Variants in ECT2 observed in about 807,000 individuals in gnomAD.
ECT2 encodes protein ECT2.
In ECT2, 61 loss-of-function variants were observed where a neutral mutation model predicts 116.9. That is an observed-to-expected ratio of 0.52 (90% confidence interval 0.42 to 0.65). ECT2 has a LOEUF of 0.65. Among genes scored for constraint, ECT2 ranks in the 30% least tolerant of loss-of-function variants. ECT2 has a pLI of 0.00. For missense variants in ECT2, 937 were observed against 1,078.7 expected (o/e 0.87, Z 1.84); for synonymous variants, 358 against 346.4 (o/e 1.03, Z -0.37).
At chr3:172,813,072 A>G (rs1200121998) in intron 22 of ECT2, among the ~76,000 whole-genome samples, 3 of 152,094 alleles carry the variant, frequency 2.0e-5, no homozygotes, top group South Asian at 4.1e-4. Context: ...GTTGTTTTAC[A>G]AACGATTACC....
At chr3:172,798,559 T>G (rs1291109257) in intron 18 of ECT2, among the ~76,000 whole-genome samples, 1 of 152,174 alleles carries the variant, frequency 6.6e-6, no homozygotes, top group Non-Finnish European at 1.5e-5. Context: ...ATTGAATAAC[T>G]GATGAAGATA....
chr3:172,757,253 A>C, intron 5 of ECT2, 88 bp downstream of exon 5: 10 of 1,052,816 alleles, frequency 9.5e-6, no homozygotes, highest in Non-Finnish European at 1.3e-5. Flanking sequence ...GAAAAATCTC[A>C]TTGATTGCTG....
chr3:172,765,746 T>A (rs1719250407), intron 12 of ECT2, among the ~76,000 whole-genome samples: 2 of 152,310 alleles, frequency 1.3e-5, no homozygotes, highest in African/African-American at 4.8e-5. Flanking sequence ...TACTGTAGCT[T>A]TTAAGTCCCT....
intron 18 of ECT2, among the ~76,000 whole-genome samples, chr3:172,801,072 TATA>T (rs778857979): frequency 6.6e-6 from 1 of 152,352 alleles, no homozygotes; most frequent in South Asian, 2.1e-4. Flanking sequence ...ATGACGTGAA[TATA>T]ATAACTTTAA....
rs566873843 is a variant in ECT2 at position 172,767,147 on chromosome 3, A to T, written c.1292-1860A>T. Among the ~76,000 whole-genome samples, 8 of 152,282 alleles carry T rather than the reference A, an allele frequency of 5.3e-5. No individual in the cohort carries two copies. The East Asian group carries it at 7.7e-4, about 15-fold the overall frequency. ...AATTTTTTGAGATTCTGTTTTTTTTAAAAAGCACTCAGGGGCTGGGCGCGG... is the reference window on the plus strand; with the variant it reads ...AATTTTTTGAGATTCTGTTTTTTTTTAAAAGCACTCAGGGGCTGGGCGCGG... On this transcript the variant is annotated intron_variant, in intron 12 of 24. Coordinates refer to ENST00000392692, the MANE Select transcript of ECT2 (RefSeq NM_001258315.2).
At chr3:172,795,295 C>G (rs150592945) in intron 18 of ECT2, among the ~76,000 whole-genome samples, 70,395 of 145,506 alleles carry the variant, frequency 0.48, 19,201 homozygotes, top group East Asian at 0.68. Context: ...CACTGCACTC[C>G]AGCCTGGGTG....
intron 12 of ECT2, among the ~76,000 whole-genome samples, chr3:172,765,159 G>A (rs1214971423): frequency 6.6e-6 from 1 of 152,082 alleles, no homozygotes; most frequent in Non-Finnish European, 1.5e-5. Context: ...TCCTTTCAAC[G>A]CATTCCAACT....
the ECT2 span, among the ~76,000 whole-genome samples, chr3:172,828,563 T>C: frequency 6.6e-6 from 1 of 151,172 alleles, no homozygotes; most frequent in African/African-American, 2.4e-5. Context: ...CATTGTAAAA[T>C]AGTGGGTGAA....
At chr3:172,779,697 G>T (rs1238540680) in intron 14 of ECT2, among the ~76,000 whole-genome samples, 1 of 152,100 alleles carries the variant, frequency 6.6e-6, no homozygotes. Context: ...CTTGAATCTA[G>T]GAGTTTGAGA....
At chr3:172,768,950 A>T (rs1720070514) in intron 12 of ECT2, 57 bp from the exon 13 acceptor site, 1 of 1,475,316 alleles carries the variant, frequency 6.8e-7, no homozygotes, top group Non-Finnish European at 9.1e-7. Flanking sequence ...AAGTCTACAT[A>T]ATGTTTGGTA....
At chr3:172,778,799 G>A (rs573139814) in intron 14 of ECT2, among the ~76,000 whole-genome samples, 315 of 151,900 alleles carry the variant, frequency 2.1e-3, no homozygotes, top group Non-Finnish European at 3.3e-3. Context: ...GTTTCATCAT[G>A]CTGGCCAGGC....
intron 18 of ECT2, among the ~76,000 whole-genome samples, chr3:172,794,497 T>C (rs1725258292): frequency 6.6e-6 from 1 of 152,236 alleles, no homozygotes; most frequent in Admixed American, 6.5e-5. Context: ...CCTTGATTAC[T>C]GTACTTTAAG....
intron 17 of ECT2, 49 bp downstream of exon 17, chr3:172,784,852 G>A (rs1723333039): frequency 1.8e-6 from 2 of 1,139,596 alleles, no homozygotes; most frequent in African/African-American, 1.6e-5. Context: ...TAATGGAATT[G>A]TTTTTTCCAA....
chr3:172,771,176 T>C (rs1424509248), intron 13 of ECT2: 14 of 152,168 alleles, frequency 9.2e-5, no homozygotes. Flanking sequence ...GCAAAAGTTA[T>C]TAGATTAGCT....
At position 172,755,393 on chromosome 3, in the gene ECT2, T is replaced by C. The variant is rs1355948744; in HGVS notation, c.210+19T>C. On this transcript the variant is annotated intron_variant, in intron 3 of 24. Coordinates refer to ENST00000392692, the MANE Select transcript of ECT2 (RefSeq NM_001258315.2). ...CTTAAAGGTACGGAGTTTTAGGTTT[T>C]AGTTTTTTTTGTAATGCAATTTTTC... The C allele has an allele frequency of 2.5e-6, 4 of 1,584,268 alleles. No individual in the cohort carries two copies. The highest frequency in any genetic ancestry group is 3.4e-6 in the Non-Finnish European group (4 of 1,171,120).
chr3:172,762,058 G>T (rs750112549), intron 8 of ECT2, among the ~76,000 whole-genome samples: 1 of 151,994 alleles, frequency 6.6e-6, no homozygotes. Flanking sequence ...TTTTCCAAGC[G>T]CATGATTTCT....
intron 8 of ECT2, among the ~76,000 whole-genome samples, chr3:172,761,966 T>C (rs1457770658): frequency 6.6e-6 from 1 of 152,138 alleles, no homozygotes; most frequent in Non-Finnish European, 1.5e-5. Flanking sequence ...TGTATTTGGA[T>C]TTTGTTACAT....
chr3:172,805,553 T>C (rs1018969040), intron 20 of ECT2, among the ~76,000 whole-genome samples, 178 bp from the exon 21 acceptor site: 1 of 152,222 alleles, frequency 6.6e-6, no homozygotes, highest in African/African-American at 2.4e-5. Flanking sequence ...ACATTTCTGC[T>C]ATACAATTAC....
chr3:172,820,047 A>T (rs1730482013), intron 24 of ECT2, 101 bp from the exon 25 acceptor site: 2 of 735,668 alleles, frequency 2.7e-6, no homozygotes. Flanking sequence ...TTGTTACAGT[A>T]ATTTGTAAAA....
Sources: gnomAD v4.1 joint callset for allele counts (sites outside exome capture counted in the v4.1 genomes callset) on GRCh38, gnomAD v4.1.1 for gene constraint, MANE v1.5 for transcripts, NCBI Gene and HGNC (gene_info 2026-07-23, HGNC 2026-07-21) for gene names.